Variants in TMEM176B observed in about 807,000 individuals in gnomAD.
TMEM176B encodes the protein LR8-like protein.
A neutral mutation model predicts 30.3 loss-of-function variants in TMEM176B; 28 were observed. The ratio of observed to expected loss-of-function variants is 0.92; its 90% CI spans 0.68 to 1.27. The LOEUF (loss-of-function observed/expected upper bound fraction) is 1.27, where lower values mean the gene tolerates loss of function less well. TMEM176B is among the 50% of genes most tolerant of loss of function. The pLI, the probability that TMEM176B is intolerant of heterozygous loss-of-function variation, is 0.00. For synonymous variants in TMEM176B, 123 were observed against 130.3 expected, an observed-to-expected ratio of 0.94 and a Z score of 0.38; for missense variants, 349 against 327.4, an observed-to-expected ratio of 1.07 and a Z score of -0.51.
Position 150,791,514 on chromosome 7 carries a change from G to A in TMEM176B, c.*17C>T, listed in dbSNP as rs1323314598. On this transcript the variant is annotated 3_prime_UTR_variant, in exon 7 of 7. Coordinates refer to ENST00000326442, the MANE Select transcript of TMEM176B (RefSeq NM_001101312.2). ...CTAGACAGGGACATGCGGGCACCCC[G>A]TGGGGTCTTTGGCAGCTCACAGGAC... The A allele has an allele frequency of 8.1e-6, 13 of 1,610,880 alleles. No homozygotes were observed. The highest frequency in any genetic ancestry group is 1.1e-5 in the South Asian group (1 of 90,976).
At chr7:150,796,595 A>G (rs907332735) in intron 1 of TMEM176B, 21 bp from the exon 2 acceptor site, 2 of 1,611,822 alleles carry the variant, frequency 1.2e-6, no homozygotes, top group African/African-American at 2.7e-5. Context: ...GAAGACATAT[A>G]GCAGTGAGGT....
At chr7:150,799,109 G>T (rs1798653851) in intron 1 of TMEM176B, among the ~76,000 whole-genome samples, 1 of 152,184 alleles carries the variant, frequency 6.6e-6, no homozygotes, top group African/African-American at 2.4e-5. Context: ...TTTGGGAGCT[G>T]GGTGACCAAC....
chr7:150,793,912 C>T, intron 3 of TMEM176B, 49 bp downstream of exon 3: 2 of 1,465,288 alleles, frequency 1.4e-6, no homozygotes, highest in Non-Finnish European at 1.9e-6. Context: ...CGCCTTCTTG[C>T]CCATCACCAC....
In TMEM176B at chr7:150,797,984, C is replaced by T. The variant is rs570759223; in HGVS notation, c.-5-1410G>A. Among the ~76,000 whole-genome samples the T allele has an allele frequency of 1.8e-4, 28 of 152,258 alleles. No individual in the cohort carries two copies. The East Asian group carries it at 5.2e-3, about 28-fold the overall frequency. On this transcript the variant is annotated intron_variant, in intron 1 of 6. Coordinates refer to ENST00000326442, the MANE Select transcript of TMEM176B (RefSeq NM_001101312.2). ...TAGCAATTCACATGCAGGAGGCAAA[C>T]TCTTTTATCTTTTTCCTTTTATATG...
intron 1 of TMEM176B, among the ~76,000 whole-genome samples, chr7:150,799,289 T>C (rs1371764087): frequency 6.6e-6 from 1 of 152,258 alleles, no homozygotes; most frequent in African/African-American, 2.4e-5. Flanking sequence ...ATTCTAGTCC[T>C]TATATTCTGC....
At chr7:150,792,318 TC>T in intron 5 of TMEM176B, 143 bp from the exon 6 acceptor site, 1 of 1,127,226 alleles carries the variant, frequency 8.9e-7, no homozygotes, top group Non-Finnish European at 1.3e-6. Context: ...AGCCACAGCT[TC>T]CATCCCGTTG....
At chr7:150,792,746 C>T (rs971571166) in intron 5 of TMEM176B, among the ~76,000 whole-genome samples, 4 of 152,096 alleles carry the variant, frequency 2.6e-5, no homozygotes, top group Non-Finnish European at 5.9e-5. Flanking sequence ...CTCACAGCAC[C>T]GTGAGAAATA....
At position 150,793,556 on chromosome 7, in the gene TMEM176B, C is replaced by T. The variant is rs573916545; in HGVS notation, c.360G>A (p.Pro120=). 41 of 1,613,328 alleles carry T rather than the reference C, an allele frequency of 2.5e-5. No homozygotes were observed. Among genetic ancestry groups the T allele is most frequent in the Non-Finnish European group, 2.7e-5 (32 of 1,179,766 alleles). ...GAGAIVHEKH[P]GKLAGYISSL... ...GTCCAAGACTCACAGCAAGTTTGCC[C>T]GGGTGCTTCTCATGGACAATGGCCC... The change falls in exon 4 of 7, where the codon CCG becomes CCA. Residue 120 remains proline (P), a synonymous_variant. Coordinates refer to ENST00000326442, the MANE Select transcript of TMEM176B (RefSeq NM_001101312.2).
At chr7:150,794,139 G>T in intron 2 of TMEM176B, 68 bp from the exon 3 acceptor site, 1 of 1,259,284 alleles carries the variant, frequency 7.9e-7, no homozygotes, top group Non-Finnish European at 1.1e-6. Context: ...CCTGGGACCA[G>T]CTGCCTGGCT....
intron 2 of TMEM176B, among the ~76,000 whole-genome samples, chr7:150,794,870 C>A (rs112722435): frequency 6.6e-6 from 1 of 151,554 alleles, no homozygotes; most frequent in Non-Finnish European, 1.5e-5. Context: ...CACATCCTAC[C>A]AGCATCTCGG....
At chr7:150,793,747 A>G in intron 3 of TMEM176B, 147 bp from the exon 4 acceptor site, 1 of 935,434 alleles carries the variant, frequency 1.1e-6, no homozygotes, top group South Asian at 1.6e-5. Context: ...CCAGGATTCC[A>G]CCTATACCTG....
Position 150,791,384 on chromosome 7 carries a change from TG to T in TMEM176B, c.*146del. The T allele has an allele frequency of 1.7e-6, 1 of 582,614 alleles. No homozygotes were observed. Among genetic ancestry groups the T allele is most frequent in the Non-Finnish European group, 3.0e-6 (1 of 328,872 alleles). 36.1% of individuals were successfully genotyped at this position (582,614 alleles called of 1,614,324 possible). On this transcript the variant is annotated 3_prime_UTR_variant, in exon 7 of 7. Transcript: ENST00000326442. ...GTTCATGGACTTGAGAACCCCAGAG[TG>T]GGAACAGCAGGTGCGGATGTGGGGA...
intron 1 of TMEM176B, among the ~76,000 whole-genome samples, chr7:150,799,710 A>G (rs1242318228): frequency 1.3e-4 from 20 of 152,058 alleles, no homozygotes; most frequent in Admixed American, 1.1e-3. Flanking sequence ...TTCCAGCCAG[A>G]CCTTCCCTTG....
chr7:150,792,250 C>A, intron 5 of TMEM176B, 75 bp from the exon 6 acceptor site: 1 of 1,576,726 alleles, frequency 6.3e-7, no homozygotes, highest in Non-Finnish European at 8.6e-7. Flanking sequence ...CCCTCTCCAC[C>A]CACCCAGGCA....
rs377081621 is a variant in TMEM176B at position 150,796,326 on chromosome 7, C to T, written c.204+40G>A. ...TATATTTTAATTGACCTCATCACCT[C>T]GTTAACGTGCCCCCCAACCCCGCAC... On this transcript the variant is annotated intron_variant, in intron 2 of 6. Coordinates refer to ENST00000326442, the MANE Select transcript of TMEM176B (RefSeq NM_001101312.2). 2.5e-5 allele frequency: 40 copies of T among 1,584,336 alleles called. 1 individual carries two copies. The South Asian group carries it at 3.3e-4, about 13-fold the overall frequency.
chr7:150,793,452 A>C (rs1344944436), intron 4 of TMEM176B, 92 bp downstream of exon 4: 1 of 1,546,346 alleles, frequency 6.5e-7, no homozygotes, highest in Non-Finnish European at 8.8e-7. Flanking sequence ...AGACCCCAAG[A>C]TATTGACAAC....
intron 5 of TMEM176B, 28 bp downstream of exon 5, chr7:150,793,060 C>G: frequency 6.2e-7 from 1 of 1,610,104 alleles, no homozygotes. Context: ...TGTGATGGGT[C>G]CCCGAAGACT....
intron 5 of TMEM176B, 110 bp downstream of exon 5, chr7:150,792,978 A>G (rs1798371531): frequency 1.0e-6 from 1 of 996,300 alleles, no homozygotes. Context: ...TGAAAGACCC[A>G]GCATGAAGTC....
intron 1 of TMEM176B, chr7:150,796,797 A>G (rs1798546842): frequency 1.9e-6 from 1 of 513,054 alleles, no homozygotes; most frequent in African/African-American, 1.9e-5. Context: ...CCTCTCTACT[A>G]AAAATACAAA....
Sources: allele counts gnomAD v4.1 joint callset (sites outside exome capture counted in the v4.1 genomes callset), GRCh38; gene constraint gnomAD v4.1.1; transcripts MANE v1.5; gene names NCBI Gene and HGNC (gene_info 2026-07-23, HGNC 2026-07-21).